Variants in ASAP1 observed in about 807,000 individuals in gnomAD.
ASAP1 encodes arf-GAP with SH3 domain, ANK repeat and PH domain-containing protein 1.
In ASAP1, 43 loss-of-function variants were observed where a neutral mutation model predicts 145.2. That is an observed-to-expected ratio of 0.30 (90% CI 0.23 to 0.38). The LOEUF is 0.38. Among genes scored for constraint, ASAP1 ranks in the 10% least tolerant of loss-of-function variants. ASAP1 has a pLI of 1.00. For synonymous variants in ASAP1, 546 were observed against 515.5 expected (o/e 1.06, Z -0.80); for missense variants, 1,018 against 1,355.3 (o/e 0.75, Z 3.91).
intron 2 of ASAP1, among the ~76,000 whole-genome samples, chr8:130,378,547 G>C (rs956167189): frequency 6.6e-6 from 1 of 152,226 alleles, no homozygotes; most frequent in Non-Finnish European, 1.5e-5. Context: ...CAAATAACAC[G>C]TGCAGGGAGG....
At chr8:130,218,477 C>A (rs887817948) in intron 4 of ASAP1, among the ~76,000 whole-genome samples, 14 of 152,166 alleles carry the variant, frequency 9.2e-5, no homozygotes, top group African/African-American at 3.4e-4. Flanking sequence ...CCTTCCCTCC[C>A]TAGACACAGC....
At chr8:130,102,720 C>CTT (rs1439150987) in intron 24 of ASAP1, among the ~76,000 whole-genome samples, 2 of 152,162 alleles carry the variant, frequency 1.3e-5, no homozygotes, top group Non-Finnish European at 2.9e-5. Flanking sequence ...GGGTCTTGCT[C>CTT]TGTCACCCAG....
chr8:130,069,840 A>G (rs572894460), intron 27 of ASAP1, among the ~76,000 whole-genome samples: 2 of 152,346 alleles, frequency 1.3e-5, no homozygotes, highest in African/African-American at 4.8e-5. Flanking sequence ...GGGGCAGACT[A>G]ATCAAAATAA....
chr8:130,159,501 A>T (rs2097664758), intron 12 of ASAP1, among the ~76,000 whole-genome samples: 1 of 147,638 alleles, frequency 6.8e-6, no homozygotes, highest in Non-Finnish European at 1.5e-5. Flanking sequence ...AGGCGCCTGC[A>T]GTCCCAGCTA....
At chr8:130,414,409 A>G (rs575988801) in intron 1 of ASAP1, among the ~76,000 whole-genome samples, 1 of 152,362 alleles carries the variant, frequency 6.6e-6, no homozygotes, top group East Asian at 1.9e-4. Flanking sequence ...AGCAGAAGGA[A>G]AAAGCCAGGG....
At chr8:130,307,892 A>G (rs1472103346) in intron 3 of ASAP1, among the ~76,000 whole-genome samples, 4 of 152,200 alleles carry the variant, frequency 2.6e-5, no homozygotes, top group Non-Finnish European at 4.4e-5. Flanking sequence ...CTAATATATA[A>G]AATGGATTTT....
chr8:130,096,848 G>A (rs1184168563), intron 24 of ASAP1, among the ~76,000 whole-genome samples: 2 of 151,922 alleles, frequency 1.3e-5, no homozygotes, highest in African/African-American at 4.8e-5. Context: ...CCTTGAGGCC[G>A]GGCATGGTGG....
At chr8:130,078,512 C>A (rs987197289) in intron 26 of ASAP1, among the ~76,000 whole-genome samples, 1 of 151,934 alleles carries the variant, frequency 6.6e-6, no homozygotes, top group Admixed American at 6.6e-5. Flanking sequence ...CCTCAAACTT[C>A]GGGGCTCAAG....
intron 3 of ASAP1, among the ~76,000 whole-genome samples, chr8:130,300,153 C>CAGAGAGAG (rs369720584): frequency 0.014 from 1,064 of 76,858 alleles, 28 homozygotes; most frequent in East Asian, 0.057. Context: ...CACACACACA[C>CAGAGAGAG]AGAGAGAGAG....
intron 3 of ASAP1, among the ~76,000 whole-genome samples, chr8:130,321,065 G>A (rs1823974224): frequency 4.6e-5 from 7 of 152,124 alleles, no homozygotes; most frequent in Admixed American, 4.6e-4. Context: ...TTTCAATTTT[G>A]AAATTTTGTG....
chr8:130,345,717 T>G (rs773830223), intron 3 of ASAP1, among the ~76,000 whole-genome samples: 17 of 152,128 alleles, frequency 1.1e-4, no homozygotes, highest in Admixed American at 6.5e-5. Context: ...ATCCCACCAC[T>G]TTTGAGAGGC....
In ASAP1 at chr8:130,401,985, G is replaced by GAAAAA; in HGVS notation, c.-27-16_-27-15insTTTTT. ...CAGAAAACGACCTGGATAGGGGGCA[G>GAAAAA]GACAAAAAGGGGACAAGAGTCATCC... On this transcript the variant is annotated splice_polypyrimidine_tract_variant and intron_variant, in intron 1 of 29. Coordinates refer to ENST00000518721, the MANE Select transcript of ASAP1 (RefSeq NM_018482.4). The GAAAAA allele has an allele frequency of 6.4e-7, 1 of 1,553,402 alleles. No individual in the cohort carries two copies. The highest frequency in any genetic ancestry group is 8.8e-7 in the Non-Finnish European group (1 of 1,132,440).
At position 130,276,728 on chromosome 8, in the gene ASAP1, A is replaced by ACACTCT. The variant is rs548512902; in HGVS notation, c.187-39735_187-39734insAGAGTG. ...CACACACACACACACACACACACAC[A>ACACTCT]CTCTCTCTCTCTCTCTCTCTCTCTC... On this transcript the variant is annotated intron_variant, in intron 3 of 29. Transcript: ENST00000518721. Among the ~76,000 whole-genome samples, 355 of 87,298 alleles carry ACACTCT rather than the reference A, an allele frequency of 4.1e-3. 3 individuals carry two copies. Among genetic ancestry groups the ACACTCT allele is most frequent in the East Asian group, 0.015 (30 of 2,030 alleles). The allele number at this position is 87,298 out of a possible 152,430, so 57.3% of individuals were successfully genotyped here. A position where few individuals can be genotyped will look rare whatever the true frequency, so the allele number is the denominator to read the frequency against.
In ASAP1 at chr8:130,092,140, G is replaced by A; in HGVS notation, c.2405C>T (p.Pro802Leu). ...PLPPRNAGKG[P>L]TGPPSTLPLS... is the part of the protein sequence containing the mutation. ...AGGGAGTGTTGAAGGTGGGCCAGTT[G>A]GACCTAGAAAGGAAATTGAATGGGG... is the stretch of plus-strand genomic sequence containing the variant. Residue 802 changes from proline to leucine, a missense_variant, in exon 25 of 30, where the codon CCA (proline) becomes CTA (leucine). Physicochemically the swap from Pro to Leu is moderately conservative, Grantham distance 98. Transcript: ENST00000518721. 6.4e-7 allele frequency: 1 copy of A among 1,564,632 alleles called. No individual in the cohort carries two copies. Among genetic ancestry groups the A allele is most frequent in the East Asian group, 2.4e-5 (1 of 40,984 alleles).
Position 130,353,700 on chromosome 8 carries a change from T to C in ASAP1, c.186+4317A>G, listed in dbSNP as rs1017957771. ...GCCTGGCCAACATGATGAAACTGCG[T>C]CTCTATTAGAAATACAAAAATTAGC... On this transcript the variant is annotated intron_variant, in intron 3 of 29. Transcript: ENST00000518721. Among the ~76,000 whole-genome samples the C allele has an allele frequency of 2.0e-5, 3 of 152,080 alleles. No individual in the cohort carries two copies. The East Asian group carries it at 5.8e-4, about 29-fold the overall frequency.
At chr8:130,379,177 G>A (rs765937548) in intron 2 of ASAP1, among the ~76,000 whole-genome samples, 3 of 152,140 alleles carry the variant, frequency 2.0e-5, no homozygotes, top group Non-Finnish European at 2.9e-5. Flanking sequence ...CTTCTAGTGG[G>A]TGAGCACAGC....
intron 1 of ASAP1, among the ~76,000 whole-genome samples, chr8:130,420,925 C>T (rs1829695836): frequency 6.6e-6 from 1 of 151,874 alleles, no homozygotes; most frequent in African/African-American, 2.4e-5. Flanking sequence ...TTCATTCATT[C>T]CTCTTAACAC....
At chr8:130,422,872 T>C (rs1829776494) in intron 1 of ASAP1, among the ~76,000 whole-genome samples, 2 of 152,226 alleles carry the variant, frequency 1.3e-5, no homozygotes, top group African/African-American at 4.8e-5. Flanking sequence ...TCTATTATTC[T>C]TAACATGGAA....
At chr8:130,375,138 T>C (rs1827420868) in intron 2 of ASAP1, among the ~76,000 whole-genome samples, 1 of 152,144 alleles carries the variant, frequency 6.6e-6, no homozygotes, top group Admixed American at 6.5e-5. Flanking sequence ...TGGTGGGCAC[T>C]TGGGGATCAG....
Sources: allele counts gnomAD v4.1 joint callset (sites outside exome capture counted in the v4.1 genomes callset), GRCh38; gene constraint gnomAD v4.1.1; transcripts MANE v1.5; gene names NCBI Gene and HGNC (gene_info 2026-07-23, HGNC 2026-07-21).